Variants in KCNH8 observed in about 807,000 individuals in gnomAD.
The protein encoded by KCNH8 is potassium voltage-gated channel subfamily H member 8.
Under a neutral mutation model 103.6 loss-of-function variants are expected in KCNH8, and 70 were observed. The ratio of observed to expected loss-of-function variants is 0.68; its 90% CI spans 0.56 to 0.82. The LOEUF (loss-of-function observed/expected upper bound fraction) is 0.82, where lower values mean the gene tolerates loss of function less well. Ranked by LOEUF, KCNH8 falls within the 40% of genes least tolerant of loss-of-function variation. The probability of loss-of-function intolerance (pLI) is 0.00; values close to 1 mark genes in which losing one functional copy is unlikely to be tolerated. For synonymous variants in KCNH8, 498 were observed against 489.4 expected (o/e 1.02, Z -0.23); for missense variants, 1,217 against 1,329.9 (o/e 0.92, Z 1.32).
intron 2 of KCNH8, among the ~76,000 whole-genome samples, chr3:19,279,568 TAAA>T (rs55996488): frequency 3.7e-4 from 53 of 142,454 alleles, no homozygotes; most frequent in African/African-American, 5.1e-4. Flanking sequence ...GCCATAGGGC[TAAA>T]AAAAAAAAAA....
intron 11 of KCNH8, among the ~76,000 whole-genome samples, chr3:19,470,167 AT>A (rs1480377007): frequency 1.3e-5 from 2 of 152,210 alleles, no homozygotes; most frequent in Non-Finnish European, 2.9e-5. Context: ...GAATGAGGAC[AT>A]TGATTGTAAA....
chr3:19,431,641 T>C (rs1426352008), intron 7 of KCNH8, among the ~76,000 whole-genome samples: 1 of 152,192 alleles, frequency 6.6e-6, no homozygotes, highest in East Asian at 1.9e-4. Context: ...TTTTGTTTTT[T>C]GTTTGGCAGG....
At chr3:19,459,199 G>A (rs1180970388) in intron 11 of KCNH8, among the ~76,000 whole-genome samples, 1 of 151,732 alleles carries the variant, frequency 6.6e-6, no homozygotes, top group East Asian at 1.9e-4. Context: ...TGGCTATAAT[G>A]ATTTACATTT....
chr3:19,345,840 A>G (rs1219107011), intron 4 of KCNH8, among the ~76,000 whole-genome samples: 3 of 152,060 alleles, frequency 2.0e-5, no homozygotes, highest in Non-Finnish European at 4.4e-5. Flanking sequence ...TTTTTAAAAT[A>G]TGTTCTAAGT....
chr3:19,242,363 C>G (rs1257045377), intron 1 of KCNH8, among the ~76,000 whole-genome samples: 1 of 152,022 alleles, frequency 6.6e-6, no homozygotes, highest in African/African-American at 2.4e-5. Flanking sequence ...GCAGAGGAGG[C>G]TGGGCAACCA....
intron 1 of KCNH8, among the ~76,000 whole-genome samples, chr3:19,167,252 A>G (rs1045963019): frequency 1.3e-5 from 2 of 152,202 alleles, no homozygotes; most frequent in African/African-American, 4.8e-5. Flanking sequence ...ATTGTTACCA[A>G]AAAGGGTTGA....
chr3:19,306,897 C>T (rs539492118), intron 3 of KCNH8, among the ~76,000 whole-genome samples: 20 of 152,014 alleles, frequency 1.3e-4, no homozygotes, highest in African/African-American at 4.8e-4. Flanking sequence ...GACACATAAA[C>T]CCCAAATAGC....
chr3:19,374,238 G>A (rs2066153057), intron 5 of KCNH8, among the ~76,000 whole-genome samples: 2 of 151,456 alleles, frequency 1.3e-5, no homozygotes, highest in Non-Finnish European at 2.9e-5. Flanking sequence ...TAATGTGTGG[G>A]AGTCTAAGTC....
intron 1 of KCNH8, among the ~76,000 whole-genome samples, chr3:19,163,619 A>C (rs1057066606): frequency 2.6e-5 from 4 of 152,134 alleles, no homozygotes; most frequent in Non-Finnish European, 4.4e-5. Flanking sequence ...AATTGACAAA[A>C]ATTATTCCAC....
At chr3:19,403,380 A>G (rs1399853234) in intron 7 of KCNH8, among the ~76,000 whole-genome samples, 1 of 27,638 alleles carries the variant, frequency 3.6e-5, no homozygotes, top group African/African-American at 2.6e-4. Context: ...ATATATATAT[A>G]TATATATATA....
intron 11 of KCNH8, among the ~76,000 whole-genome samples, chr3:19,485,820 C>G (rs2068194718): frequency 6.6e-6 from 1 of 152,112 alleles, no homozygotes; most frequent in Non-Finnish European, 1.5e-5. Flanking sequence ...TGACTGCCAC[C>G]TTTTGAGGTT....
intron 1 of KCNH8, among the ~76,000 whole-genome samples, chr3:19,175,285 G>C (rs2063387094): frequency 6.7e-6 from 1 of 149,606 alleles, no homozygotes; most frequent in African/African-American, 2.5e-5. Context: ...GCAGTGGCGC[G>C]ATCTCGGCTC....
intron 5 of KCNH8, among the ~76,000 whole-genome samples, chr3:19,365,357 C>G (rs1053817410): frequency 2.0e-5 from 3 of 151,974 alleles, no homozygotes; most frequent in Non-Finnish European, 2.9e-5. Flanking sequence ...TGTAGTTGTG[C>G]TGGTATTCTA....
At chr3:19,244,289 G>A (rs964579243) in intron 1 of KCNH8, among the ~76,000 whole-genome samples, 1 of 152,124 alleles carries the variant, frequency 6.6e-6, no homozygotes, top group African/African-American at 2.4e-5. Context: ...CAAAGAATAA[G>A]CTTTGCAAAG....
At chr3:19,441,476 G>C (rs2067283377) in intron 8 of KCNH8, among the ~76,000 whole-genome samples, 1 of 152,108 alleles carries the variant, frequency 6.6e-6, no homozygotes, top group Non-Finnish European at 1.5e-5. Flanking sequence ...ACATTTTTCA[G>C]ATGACAGATC....
chr3:19,351,918 T>C (rs1395084047), intron 5 of KCNH8, among the ~76,000 whole-genome samples: 1 of 151,944 alleles, frequency 6.6e-6, no homozygotes, highest in Non-Finnish European at 1.5e-5. Context: ...GGCTAAATGC[T>C]CCAATTAAAA....
At chr3:19,306,140 A>G (rs937856829) in intron 3 of KCNH8, among the ~76,000 whole-genome samples, 2 of 152,104 alleles carry the variant, frequency 1.3e-5, no homozygotes, top group Admixed American at 1.3e-4. Flanking sequence ...ACTTTTATTT[A>G]TCAAAGAAAA....
intron 1 of KCNH8, among the ~76,000 whole-genome samples, chr3:19,249,626 C>T (rs2064250769): frequency 6.6e-6 from 1 of 152,020 alleles, no homozygotes; most frequent in Non-Finnish European, 1.5e-5. Flanking sequence ...TATTCATAAA[C>T]AATTATAAAG....
At chr3:19,359,318 T>C (rs561010512) in intron 5 of KCNH8, among the ~76,000 whole-genome samples, 6 of 151,970 alleles carry the variant, frequency 3.9e-5, no homozygotes, top group African/African-American at 1.4e-4. Context: ...TAAGAAGATA[T>C]AACCATAATA....
Sources: allele counts gnomAD v4.1 joint callset (sites outside exome capture counted in the v4.1 genomes callset), GRCh38; gene constraint gnomAD v4.1.1; transcripts MANE v1.5; gene names NCBI Gene and HGNC (gene_info 2026-07-23, HGNC 2026-07-21).